Variants in BDH1 observed in about 807,000 individuals in gnomAD.
The protein encoded by BDH1 is 3-hydroxybutyrate dehydrogenase 1, also known as D-beta-hydroxybutyrate dehydrogenase, mitochondrial.
BDH1 carries 30 observed loss-of-function variants against 33.1 expected under a neutral mutation model. The ratio of observed to expected loss-of-function variants is 0.91; its 90% CI spans 0.68 to 1.23. The LOEUF is 1.23. Ranked by LOEUF, BDH1 falls within the 50% of genes most tolerant of loss-of-function variation. The probability of loss-of-function intolerance (pLI) is 0.00; values close to 1 mark genes in which losing one functional copy is unlikely to be tolerated. For synonymous variants in BDH1, 190 were observed against 183.6 expected, an observed-to-expected ratio of 1.03 and a Z score of -0.28; for missense variants, 443 against 464.4, an observed-to-expected ratio of 0.95 and a Z score of 0.42.
intron 5 of BDH1, among the ~76,000 whole-genome samples, chr3:197,527,681 G>A (rs1043953926): frequency 2.4e-4 from 37 of 152,040 alleles, no homozygotes; most frequent in African/African-American, 8.9e-4. Flanking sequence ...TTTCTCAGAT[G>A]CACCCTGCAC....
upstream of BDH1, among the ~76,000 whole-genome samples, chr3:197,559,497 CCTT>C (rs1313383786): frequency 6.6e-6 from 1 of 152,222 alleles, no homozygotes; most frequent in African/African-American, 2.4e-5. Flanking sequence ...TTGATCTTCT[CCTT>C]ATTTTAACCA....
chr3:197,542,521 C>CCTTTTTT (rs1715722886), intron 3 of BDH1, among the ~76,000 whole-genome samples: 1 of 106,448 alleles, frequency 9.4e-6, no homozygotes, highest in African/African-American at 4.3e-5. Context: ...TTCTTGCTTG[C>CCTTTTTT]TTTTTTTTTT....
chr3:197,567,563 GTCTC>G (rs1717473711), intron 1 of BDH1, among the ~76,000 whole-genome samples: 1 of 152,128 alleles, frequency 6.6e-6, no homozygotes, highest in South Asian at 2.1e-4. Flanking sequence ...TGCTTCTCAT[GTCTC>G]TCTAAAATGT....
chr3:197,553,582 T>C (rs1023854471), intron 2 of BDH1, among the ~76,000 whole-genome samples: 1 of 150,540 alleles, frequency 6.6e-6, no homozygotes, highest in African/African-American at 2.4e-5. Context: ...ATTATCAGAC[T>C]TACATTTTTA....
Position 197,523,979 on chromosome 3 carries a change from A to C in BDH1, c.268-1198T>G, listed in dbSNP as rs1239172023. Among the ~76,000 whole-genome samples, 5 of 152,150 alleles carry C rather than the reference A, an allele frequency of 3.3e-5. No homozygotes were observed. Among genetic ancestry groups the C allele is most frequent in the Non-Finnish European group, 7.4e-5 (5 of 68,020 alleles). On this transcript the variant is annotated intron_variant, in intron 5 of 7. Coordinates refer to ENST00000392379, the MANE Select transcript of BDH1 (RefSeq NM_203314.3). This position sits in a 1 kb window ranked among gnomAD's most constrained non-coding sequence, Gnocchi z 4.5. ...CGAGCTGCTGGGGGGCTTTCCTCTA[A>C]GTAGACAGCATTTCCCGAGTGTCCA... is the stretch of plus-strand genomic sequence containing the variant.
intron 3 of BDH1, among the ~76,000 whole-genome samples, chr3:197,535,629 T>C (rs1380871630): frequency 6.6e-6 from 1 of 152,226 alleles, no homozygotes; most frequent in Non-Finnish European, 1.5e-5. Flanking sequence ...GTCCAGAGTC[T>C]AAACTCTTAA....
rs1713395457 is a variant in BDH1, at chr3:197,520,285, T to C, written c.409+2355A>G. Among the ~76,000 whole-genome samples, 1 of 151,576 alleles carries C rather than the reference T, an allele frequency of 6.6e-6. No homozygotes were observed. Among genetic ancestry groups the C allele is most frequent in the Non-Finnish European group, 1.5e-5 (1 of 67,872 alleles). Reference sequence around the variant, plus strand: ...CAGACCTAAAAGTCTTCAAATCCTTTTCCAAAAAAAAAAAATGCAGTATCG... The same window carrying C: ...CAGACCTAAAAGTCTTCAAATCCTTCTCCAAAAAAAAAAAATGCAGTATCG... On this transcript the variant is annotated intron_variant, in intron 6 of 7. Transcript: ENST00000392379. The surrounding 1 kb of genome is among the most constrained non-coding windows in gnomAD (Gnocchi z 6.0).
rs544193123 is a variant in BDH1 at position 197,572,052 on chromosome 3, A to T, written c.-44+1129T>A. On this transcript the variant is annotated intron_variant, in intron 1 of 6. Transcript: ENST00000358186. Reference sequence around the variant, plus strand: ...CATCAGTGCCCTATACAAAGGCTTGAATGTAACAAAAGCCCACCAAGAGTT... The same window carrying T: ...CATCAGTGCCCTATACAAAGGCTTGTATGTAACAAAAGCCCACCAAGAGTT... 1.8e-3 allele frequency among the ~76,000 whole-genome samples: 272 copies of T among 152,362 alleles called. 2 individuals are homozygous for T. Among genetic ancestry groups the T allele is most frequent in the Middle Eastern group, 6.8e-3 (2 of 294 alleles).
At position 197,514,270 on chromosome 3, in the gene BDH1, C is replaced by T. The variant is rs1712433640; in HGVS notation, c.556G>A (p.Ala186Thr). 6.2e-7 allele frequency: 1 copy of T among 1,612,396 alleles called. No individual in the cohort carries two copies. Among genetic ancestry groups the T allele is most frequent in the Non-Finnish European group, 8.5e-7 (1 of 1,179,014 alleles). ...AGCTCCCTTTCCCACTCACCTTTGG[C>T]CCTTCGGATGAGGGGGAGAAAGGAT... Reference protein sequence around the residue: ...TKSFLPLIRRAKGRVVNISSM... With the variant: ...TKSFLPLIRRTKGRVVNISSM... Residue 186 changes from alanine (A) to threonine (T), a missense_variant, in exon 7 of 8, where the codon GCC becomes ACC. Ala to Thr is a moderately conservative substitution (Grantham distance 58). Transcript: ENST00000392379. The surrounding 1 kb of genome is among the most constrained non-coding windows in gnomAD (Gnocchi z 4.2).
At chr3:197,548,443 G>C (rs932117736) in intron 2 of BDH1, among the ~76,000 whole-genome samples, 12 of 152,216 alleles carry the variant, frequency 7.9e-5, no homozygotes, top group African/African-American at 2.9e-4. Context: ...CAATGCCTGT[G>C]GCAGAAAATG....
chr3:197,560,668 T>C (rs1314638111), upstream of BDH1, among the ~76,000 whole-genome samples: 3 of 152,202 alleles, frequency 2.0e-5, no homozygotes, highest in Non-Finnish European at 2.9e-5. Context: ...GTGCTATTTC[T>C]TTACTGCACC....
At position 197,554,216 on chromosome 3, in the gene BDH1, C is replaced by T. The variant is rs547199215; in HGVS notation, c.-44+346G>A. ...CTAATCCCCTAATTCAAAAATCTTT[C>T]GCCCAATCTCCTCCCTTCTGTGCCT... is the stretch of plus-strand genomic sequence containing the variant. On this transcript the variant is annotated intron_variant, in intron 2 of 7. Transcript: ENST00000392379. The surrounding 1 kb of genome is among the most constrained non-coding windows in gnomAD (Gnocchi z 4.4). Among the ~76,000 whole-genome samples, 40 of 152,308 alleles carry T rather than the reference C, an allele frequency of 2.6e-4. No individual in the cohort carries two copies. Among genetic ancestry groups the T allele is most frequent in the African/African-American group, 9.4e-4 (39 of 41,556 alleles).
chr3:197,515,305 A>C, intron 6 of BDH1: 1 of 985,436 alleles, frequency 1.0e-6, no homozygotes, highest in African/African-American at 1.7e-5. Context: ...TGAAGAGCTC[A>C]CTCCCACTCT....
chr3:197,570,834 C>T (rs1717582528), intron 1 of BDH1, among the ~76,000 whole-genome samples: 1 of 152,224 alleles, frequency 6.6e-6, no homozygotes, highest in Non-Finnish European at 1.5e-5. Flanking sequence ...CACACAAAGT[C>T]CCCACTAGGT....
Position 197,532,397 on chromosome 3 carries a change from T to C in BDH1, c.267+15A>G, listed in dbSNP as rs201384972. On this transcript the variant is annotated intron_variant, in intron 5 of 7. Transcript: ENST00000392379. ...GTGTAAAAGACAATGGTGAAGAAGATAACTCGTCTCTTACCTTCATCAAGC... is the reference window on the plus strand; with the variant it reads ...GTGTAAAAGACAATGGTGAAGAAGACAACTCGTCTCTTACCTTCATCAAGC... 5 of 1,603,534 alleles carry C rather than the reference T, an allele frequency of 3.1e-6. No homozygotes were observed. The highest frequency in any genetic ancestry group is 4.3e-6 in the Non-Finnish European group (5 of 1,170,412).
At chr3:197,531,138 G>A (rs1170395794) in intron 5 of BDH1, among the ~76,000 whole-genome samples, 1 of 152,162 alleles carries the variant, frequency 6.6e-6, no homozygotes, top group Non-Finnish European at 1.5e-5. Context: ...GCTCACGCCT[G>A]TAATCCCAGC....
chr3:197,568,498 T>G (rs919225795), intron 1 of BDH1, among the ~76,000 whole-genome samples: 2 of 152,042 alleles, frequency 1.3e-5, no homozygotes, highest in African/African-American at 2.4e-5. Context: ...CTGAAATCTG[T>G]GGATGAATGA....
intron 1 of BDH1, among the ~76,000 whole-genome samples, chr3:197,555,124 C>A (rs1381345027): frequency 6.6e-6 from 1 of 152,252 alleles, no homozygotes; most frequent in African/African-American, 2.4e-5. Flanking sequence ...CCCAGCCTGT[C>A]CCCGCGGCTC....
chr3:197,512,021 G>A lies in BDH1; in HGVS notation c.906C>T (p.Val302=), dbSNP rs1319125902. The A allele has an allele frequency of 6.2e-6, 10 of 1,614,152 alleles. No homozygotes were observed. The highest frequency in any genetic ancestry group is 8.5e-6 in the Non-Finnish European group (10 of 1,180,034). ...STDTSPVIDA[V]THALTATTPY... Reference sequence around the variant, plus strand: ...GGGTGGTGGCGGTCAGGGCGTGTGTGACAGCATCGATGACAGGGGACGTGT... The same window carrying A: ...GGGTGGTGGCGGTCAGGGCGTGTGTAACAGCATCGATGACAGGGGACGTGT... The change falls in exon 8 of 8, where the codon GTC becomes GTT. Residue 302 remains valine, a synonymous_variant. Coordinates refer to ENST00000392379, the MANE Select transcript of BDH1 (RefSeq NM_203314.3).
Sources: allele counts gnomAD v4.1 joint callset (sites outside exome capture counted in the v4.1 genomes callset), GRCh38; gene constraint gnomAD v4.1.1; non-coding constraint Gnocchi (gnomAD v3.1); transcripts MANE v1.5; gene names NCBI Gene and HGNC (gene_info 2026-07-23, HGNC 2026-07-21).